PLEKHG4B: variants seen among roughly 807,000 people sequenced by gnomAD.
PLEKHG4B encodes the protein pleckstrin homology and RhoGEF domain containing G4B.
PLEKHG4B carries 111 observed loss-of-function variants against 121.3 expected under a neutral mutation model. The observed-to-expected ratio is 0.92, with a 90% CI of 0.78 to 1.07. The LOEUF (loss-of-function observed/expected upper bound fraction) is 1.07. PLEKHG4B is among the 50% of genes least tolerant of loss of function. The pLI, the probability that PLEKHG4B is intolerant of heterozygous loss-of-function variation, is 0.00. For synonymous variants in PLEKHG4B, 738 were observed against 725.0 expected (o/e 1.02, Z -0.29); for missense variants, 1,831 against 1,757.8 (o/e 1.04, Z -0.74).
At chr5:102,412 AC>A (rs1431049301) in intron 1 of PLEKHG4B, among the ~76,000 whole-genome samples, 1 of 152,130 alleles carries the variant, frequency 6.6e-6, no homozygotes, top group African/African-American at 2.4e-5. Flanking sequence ...TCCAAAGTTG[AC>A]CTACTAGAGC....
intron 1 of PLEKHG4B, among the ~76,000 whole-genome samples, chr5:100,024 TG>T (rs1169626421): frequency 2.0e-5 from 3 of 152,118 alleles, no homozygotes; most frequent in Non-Finnish European, 4.4e-5. Context: ...TGTATTACAT[TG>T]ATTGGTTTTC....
intron 17 of PLEKHG4B, 22 bp downstream of exon 17, chr5:173,089 T>A: frequency 6.2e-7 from 1 of 1,610,832 alleles, no homozygotes; most frequent in Non-Finnish European, 8.5e-7. Context: ...CCGGTCCGAT[T>A]GGGTGCAGGC....
At chr5:164,552 G>GTAATGCTGTGACGGGGCGGAGCTCACAC in intron 13 of PLEKHG4B, among the ~76,000 whole-genome samples, 1 of 109,380 alleles carries the variant, frequency 9.1e-6, no homozygotes, top group Non-Finnish European at 1.8e-5. Flanking sequence ...AGCTCACACA[G>GTAATGCTGTGACGGGGCGGAGCTCACAC]TAATGCTCTG....
At position 140,178 on chromosome 5, in the gene PLEKHG4B, C is replaced by A; in HGVS notation, c.939C>A (p.Asp313Glu). The A allele has an allele frequency of 1.0e-6, 1 of 970,848 alleles. No homozygotes were observed. The highest frequency in any genetic ancestry group is 1.5e-6 in the Non-Finnish European group (1 of 673,154). The allele number at this position is 970,848 out of a possible 1,614,324, so 60.1% of individuals were successfully genotyped here. ...ENCGGSGERPDPMDQEDRPKA... is the reference protein window; with the variant it reads ...ENCGGSGERPEPMDQEDRPKA... ...GTGGGGGGTCGGGGGAGAGGCCGGA[C>A]CCCATGGACCAGGAGGACAGACCCA... Residue 313 changes from aspartate (D) to glutamate (E), a missense_variant, in exon 3 of 20, where the codon GAC (aspartate) becomes GAA (glutamate). Asp to Glu is a conservative substitution (Grantham distance 45). Transcript: ENST00000637938.
chr5:123,608 G>A (rs1174427085), intron 2 of PLEKHG4B, among the ~76,000 whole-genome samples: 3 of 152,088 alleles, frequency 2.0e-5, no homozygotes, highest in Non-Finnish European at 4.4e-5. Context: ...GGTAGGCTTT[G>A]TGTCTCTAGG....
In PLEKHG4B at chr5:143,111, C is replaced by A. The variant is rs770037116; in HGVS notation, c.1542C>A (p.Ser514Arg). Residue 514 changes from serine to arginine, a missense_variant, in exon 4 of 20, where the codon AGC becomes AGA. By Grantham distance (110) the Ser-to-Arg change is moderately radical. Coordinates refer to ENST00000637938, the MANE Select transcript of PLEKHG4B (RefSeq NM_052909.5). ...DGGSLHCHNPSGPSDVPARQP... is the reference protein window; with the variant it reads ...DGGSLHCHNPRGPSDVPARQP... ...GCAGCCTCCATTGCCACAACCCCAGCGGGCCTTCCGATGTGCCTGCCCGGC... is the reference window on the plus strand; with the variant it reads ...GCAGCCTCCATTGCCACAACCCCAGAGGGCCTTCCGATGTGCCTGCCCGGC... 6.2e-7 allele frequency: 1 copy of A among 1,612,880 alleles called. No homozygotes were observed.
chr5:154,397 C>G (rs560585342), intron 7 of PLEKHG4B, among the ~76,000 whole-genome samples: 2 of 152,174 alleles, frequency 1.3e-5, no homozygotes, highest in African/African-American at 4.8e-5. Context: ...CTCCCACACG[C>G]GGGCAGCGGC....
chr5:160,053 A>T (rs1458575080), intron 11 of PLEKHG4B, among the ~76,000 whole-genome samples: 1 of 152,260 alleles, frequency 6.6e-6, no homozygotes, highest in Non-Finnish European at 1.5e-5. Context: ...TTGTGACCGG[A>T]CAGGCGATCC....
In PLEKHG4B at chr5:182,228, G is replaced by A. The variant is rs1579337753; in HGVS notation, c.4789G>A (p.Glu1597Lys). The A allele has an allele frequency of 1.9e-6, 3 of 1,613,828 alleles. No individual in the cohort carries two copies. The highest frequency in any genetic ancestry group is 2.5e-6 in the Non-Finnish European group (3 of 1,180,036). The change falls in exon 20 of 20, where the codon GAA becomes AAA. Residue 1597 changes from glutamate (E) to lysine (K), a missense_variant. Glu to Lys is a moderately conservative substitution (Grantham distance 56). Transcript: ENST00000637938. ...ATCTGATATCAGAGCCTGCGTCGAG[G>A]AAGATGAGCCAGAGCCAGAACTAGA... The part of the protein sequence containing the change: ...WSSDIRACVE[E>K]DEPEPELETG...
intron 1 of PLEKHG4B, among the ~76,000 whole-genome samples, chr5:103,256 G>A (rs1733876542): frequency 6.6e-6 from 1 of 152,116 alleles, no homozygotes; most frequent in Non-Finnish European, 1.5e-5. Context: ...GTTGTGAGTG[G>A]GTTTTCCCGG....
Position 143,520 on chromosome 5 carries a change from G to A in PLEKHG4B, c.1811+17G>A. 1 of 1,612,180 alleles carries A rather than the reference G, an allele frequency of 6.2e-7. No homozygotes were observed. On this transcript the variant is annotated intron_variant, in intron 5 of 19. Coordinates refer to ENST00000637938, the MANE Select transcript of PLEKHG4B (RefSeq NM_052909.5). The stretch of plus-strand genomic sequence containing the variant: ...CATCCCCAGGTGGGACGGGGGGCAA[G>A]GCCGCACCCTGCAGACCCATGGGAC...
At chr5:131,301 C>T (rs9312772) in intron 2 of PLEKHG4B, among the ~76,000 whole-genome samples, 28,165 of 151,976 alleles carry the variant, frequency 0.19, 3,573 homozygotes, top group African/African-American at 0.36. Context: ...TGATATTCTC[C>T]GCCCTGTGTC....
chr5:159,064 G>A lies in PLEKHG4B; in HGVS notation c.2487+2153G>A, dbSNP rs1735902577. 1.3e-5 allele frequency among the ~76,000 whole-genome samples: 2 copies of A among 151,958 alleles called. No individual in the cohort carries two copies. The highest frequency in any genetic ancestry group is 4.8e-5 in the African/African-American group (2 of 41,342). On this transcript the variant is annotated intron_variant, in intron 11 of 19. Coordinates refer to ENST00000637938, the MANE Select transcript of PLEKHG4B (RefSeq NM_052909.5). The surrounding 1 kb of genome is among the most constrained non-coding windows in gnomAD (Gnocchi z 5.5). ...CCATCCCACTCCCAGCCTTCTGCCT[G>A]TGCCCTGCTTCTCGGTGGAAGCCAC...
At chr5:142,958 C>T in intron 3 of PLEKHG4B, 89 bp from the exon 4 acceptor site, 1 of 1,273,466 alleles carries the variant, frequency 7.9e-7, no homozygotes, top group Middle Eastern at 1.9e-4. Context: ...GTGTTTTTGT[C>T]CCATGGTTCA....
chr5:146,316 A>C, intron 6 of PLEKHG4B, among the ~76,000 whole-genome samples: 1 of 86,020 alleles, frequency 1.2e-5, no homozygotes, highest in East Asian at 4.4e-4. Flanking sequence ...CCTCCCCACC[A>C]TAGTCCTCCA....
In PLEKHG4B at chr5:156,791, C is replaced by A; in HGVS notation, c.2367C>A (p.Ala789=). Residue 789 remains alanine, a synonymous_variant, in exon 11 of 20, where the codon GCC becomes GCA. Transcript: ENST00000637938. The surrounding 1 kb of genome is among the most constrained non-coding windows in gnomAD (Gnocchi z 4.4). ...TCCTCAGGGACACCCTGGAGGCCGC[C>A]ACAAGCCTGTACGACCGAGTGGATG... ...TEDSRDTLEA[A]TSLYDRVDEE... 6.4e-7 allele frequency: 1 copy of A among 1,562,928 alleles called. No individual in the cohort carries two copies. Among genetic ancestry groups the A allele is most frequent in the East Asian group, 2.4e-5 (1 of 41,714 alleles).
At position 162,796 on chromosome 5, in the gene PLEKHG4B, T is replaced by C; in HGVS notation, c.2724T>C (p.Cys908=). 9 of 1,494,410 alleles carry C rather than the reference T, an allele frequency of 6.0e-6. No homozygotes were observed. The highest frequency in any genetic ancestry group is 8.0e-6 in the Non-Finnish European group (9 of 1,122,988). The allele number at this position is 1,494,410 out of a possible 1,614,324, so 92.6% of individuals were successfully genotyped here. The part of the protein sequence containing the change: ...SSPVAECLRS[C]HQEATSVAAE... The stretch of plus-strand genomic sequence containing the variant: ...CCGTGGCTGAGTGTTTGAGGAGCTG[T>C]CACCAGGAGGCTACCTCGGTGGCTG... Residue 908 remains cysteine (C), a synonymous_variant, in exon 13 of 20, where the codon TGT becomes TGC. Transcript: ENST00000637938.
At chr5:109,397 C>CAAA (rs34972342) in intron 1 of PLEKHG4B, among the ~76,000 whole-genome samples, 4,366 of 61,688 alleles carry the variant, frequency 0.071, 342 homozygotes, top group African/African-American at 0.22. Context: ...ACTCTGTCTC[C>CAAA]AAAAAAAAAA....
chr5:93,146 A>C (rs1733523003), intron 1 of PLEKHG4B, among the ~76,000 whole-genome samples: 1 of 152,144 alleles, frequency 6.6e-6, no homozygotes, highest in Non-Finnish European at 1.5e-5. Context: ...ATATAATTTA[A>C]AAATTAAGTT....
Sources: allele counts gnomAD v4.1 joint callset (sites outside exome capture counted in the v4.1 genomes callset), GRCh38; gene constraint gnomAD v4.1.1; non-coding constraint Gnocchi (gnomAD v3.1); transcripts MANE v1.5; gene names NCBI Gene and HGNC (gene_info 2026-07-23, HGNC 2026-07-21).